Variants in PHIP observed in about 807,000 individuals in gnomAD.
PHIP encodes PHIP subunit of CUL4-Ring ligase complex.
A neutral mutation model predicts 236.8 loss-of-function variants in PHIP; 54 were observed. That is an observed-to-expected ratio of 0.23 (90% CI 0.18 to 0.29). PHIP has a LOEUF of 0.29. Among genes scored for constraint, PHIP ranks in the 10% least tolerant of loss-of-function variants. The pLI is 1.00. For synonymous variants in PHIP, 756 were observed against 718.9 expected (o/e 1.05, Z -0.83); for missense variants, 1,370 against 2,190.8 (o/e 0.63, Z 7.48).
intron 24 of PHIP, among the ~76,000 whole-genome samples, chr6:78,977,741 C>T (rs1030774308): frequency 6.6e-6 from 1 of 152,138 alleles, no homozygotes; most frequent in Non-Finnish European, 1.5e-5. Context: ...TATCACTGTA[C>T]TATATCACAA....
chr6:78,958,726 A>G, intron 31 of PHIP, 126 bp from the exon 32 acceptor site: 1 of 658,400 alleles, frequency 1.5e-6, no homozygotes. Context: ...CATTGGTCTT[A>G]TAAAGTCATT....
chr6:79,073,288 C>T (rs1773986123), intron 4 of PHIP, among the ~76,000 whole-genome samples: 2 of 152,070 alleles, frequency 1.3e-5, no homozygotes, highest in South Asian at 4.1e-4. Context: ...CATATTCACA[C>T]CTAACATTTT....
chr6:78,934,860 T>C lies in PHIP; in HGVS notation c.*5833A>G, dbSNP rs1183517507. 6.6e-6 allele frequency among the ~76,000 whole-genome samples: 1 copy of C among 152,220 alleles called. No homozygotes were observed. Among genetic ancestry groups the C allele is most frequent in the African/African-American group, 2.4e-5 (1 of 41,458 alleles). The stretch of plus-strand genomic sequence containing the variant: ...CCAACTCCAGGCCAGTTCATTACAC[T>C]GTGCTGCCAGTATGTCTAACCAATT... On this transcript the variant is annotated 3_prime_UTR_variant, in exon 40 of 40. Coordinates refer to ENST00000275034, the MANE Select transcript of PHIP (RefSeq NM_017934.7).
At chr6:79,073,540 C>T (rs550006099) in intron 4 of PHIP, among the ~76,000 whole-genome samples, 1 of 152,084 alleles carries the variant, frequency 6.6e-6, no homozygotes, top group South Asian at 2.1e-4. Context: ...AATGGGAATC[C>T]CTACTTCTAA....
chr6:78,948,767 T>C (rs537780304), intron 35 of PHIP, among the ~76,000 whole-genome samples: 1 of 152,298 alleles, frequency 6.6e-6, no homozygotes, highest in African/African-American at 2.4e-5. Context: ...GTGCTGGGAT[T>C]ATAGGCATTA....
intron 17 of PHIP, among the ~76,000 whole-genome samples, chr6:78,999,934 T>C (rs560455450): frequency 3.9e-5 from 6 of 152,172 alleles, no homozygotes; most frequent in Admixed American, 3.3e-4. Context: ...GAAAACCATG[T>C]TGCAATACTG....
rs571084682 is a variant in PHIP at position 79,003,688 on chromosome 6, T to TA, written c.1653+41dup. The stretch of plus-strand genomic sequence containing the variant: ...AAACATACAACCCCTAAACATGCAT[T>TA]AAAAAAAAATAAGGACATGATATAT... On this transcript the variant is annotated intron_variant, in intron 16 of 39. Coordinates refer to ENST00000275034, the MANE Select transcript of PHIP (RefSeq NM_017934.7). 11,628 of 1,270,090 alleles carry TA rather than the reference T, an allele frequency of 9.2e-3. 6 individuals carry two copies. Among genetic ancestry groups the TA allele is most frequent in the East Asian group, 0.015 (511 of 34,458 alleles). The allele number at this position is 1,270,090 out of a possible 1,614,324, so 78.7% of individuals were successfully genotyped here. A position where few individuals can be genotyped will look rare whatever the true frequency, so the allele number is the denominator to read the frequency against.
chr6:78,981,741 G>A (rs1161922074), intron 23 of PHIP, among the ~76,000 whole-genome samples: 1 of 151,910 alleles, frequency 6.6e-6, no homozygotes, highest in Admixed American at 6.6e-5. Flanking sequence ...CCAGACACAT[G>A]GCTAAATCAG....
rs544479201 is a variant in PHIP, at chr6:79,017,647, T to A, written c.995-64A>T. 46 of 1,177,056 alleles carry A rather than the reference T, an allele frequency of 3.9e-5. No individual in the cohort carries two copies. In the African/African-American group the frequency reaches 6.1e-4, roughly 16 times the overall value. 72.9% of individuals were successfully genotyped at this position (1,177,056 alleles called of 1,614,324 possible). A position where few individuals can be genotyped will look rare whatever the true frequency, so the allele number is the denominator to read the frequency against. ...AACTTCAAAATCTCTGAAAATTAGA[T>A]AATAAAATGTAAGCAAAATTACAGT... is the stretch of plus-strand genomic sequence containing the variant. On this transcript the variant is annotated intron_variant, in intron 10 of 39. Transcript: ENST00000275034.
At chr6:79,061,183 G>T (rs983678097) in intron 4 of PHIP, among the ~76,000 whole-genome samples, 1 of 152,066 alleles carries the variant, frequency 6.6e-6, no homozygotes, top group Non-Finnish European at 1.5e-5. Flanking sequence ...TTGAAACCAT[G>T]ACATGAAATG....
At position 79,078,188 on chromosome 6, in the gene PHIP, C is replaced by G; in HGVS notation, c.-120G>C. On this transcript the variant is annotated 5_prime_UTR_variant, in exon 1 of 40. Transcript: ENST00000275034. ...GTTCACGAGCCGAGCTTCGGCTCCA[C>G]CATTCAAGCAACGGCGGCGGAGGCG... is the stretch of plus-strand genomic sequence containing the variant. 1 of 963,460 alleles carries G rather than the reference C, an allele frequency of 1.0e-6. No homozygotes were observed. The allele number at this position is 963,460 out of a possible 1,614,324, so 59.7% of individuals were successfully genotyped here.
intron 20 of PHIP, 82 bp downstream of exon 20, chr6:78,990,786 A>C (rs962808414): frequency 1.4e-6 from 1 of 701,580 alleles, no homozygotes; most frequent in Non-Finnish European, 2.4e-6. Flanking sequence ...TTATAATACC[A>C]TGTTAAATTA....
Position 79,060,520 on chromosome 6 carries a change from G to T in PHIP, c.397C>A (p.Pro133Thr). ...CCATAGTTAACTGGTGACTCAGGTG[G>T]TCTTCCACAGTGCAACGCAGCCAGA... ...SALAALHCGR[P>T]PESPVNYGSP... The change falls in exon 6 of 40, where the codon CCA (proline) becomes ACA (threonine). Residue 133 changes from proline to threonine, a missense_variant. Pro to Thr is a conservative substitution (Grantham distance 38). Transcript: ENST00000275034. 1 of 1,613,734 alleles carries T rather than the reference G, an allele frequency of 6.2e-7. No homozygotes were observed. Among genetic ancestry groups the T allele is most frequent in the Non-Finnish European group, 8.5e-7 (1 of 1,179,796 alleles).
At chr6:78,985,556 T>C in intron 21 of PHIP, 128 bp from the exon 22 acceptor site, 1 of 692,798 alleles carries the variant, frequency 1.4e-6, no homozygotes, top group South Asian at 1.7e-5. Flanking sequence ...TTTAAATTAG[T>C]TGCAAAGGGT....
chr6:79,051,534 A>C (rs1257554771), intron 6 of PHIP, among the ~76,000 whole-genome samples: 1 of 152,170 alleles, frequency 6.6e-6, no homozygotes, highest in Non-Finnish European at 1.5e-5. Flanking sequence ...CTAGATATTC[A>C]ATTTTGGTGT....
intron 7 of PHIP, among the ~76,000 whole-genome samples, chr6:79,036,288 C>T (rs552902522): frequency 6.6e-6 from 1 of 152,250 alleles, no homozygotes; most frequent in African/African-American, 2.4e-5. Context: ...TACATCCCAC[C>T]TCCTTAAATA....
At chr6:79,043,098 G>A in intron 6 of PHIP, 95 bp from the exon 7 acceptor site, 3 of 993,852 alleles carry the variant, frequency 3.0e-6, no homozygotes, top group Non-Finnish European at 3.0e-6. Flanking sequence ...TTTGTCATGT[G>A]CAGGTAAAAA....
At position 78,937,049 on chromosome 6, in the gene PHIP, T is replaced by C. The variant is rs1773297546; in HGVS notation, c.*3644A>G. 1.3e-5 allele frequency: 2 copies of C among 151,800 alleles called. No individual in the cohort carries two copies. Among genetic ancestry groups the C allele is most frequent in the Admixed American group, 6.6e-5 (1 of 15,228 alleles). The allele number at this position is 151,800 out of a possible 1,614,324, so 9.4% of individuals were successfully genotyped here. ...TAGGTTAATAGGAGTAATCAGATGA[T>C]AAAACTACTTCCCCTATTATGACTT... is the stretch of plus-strand genomic sequence containing the variant. On this transcript the variant is annotated 3_prime_UTR_variant, in exon 40 of 40. Transcript: ENST00000275034.
At chr6:79,075,817 G>C (rs1304957552) in intron 4 of PHIP, among the ~76,000 whole-genome samples, 6 of 152,210 alleles carry the variant, frequency 3.9e-5, no homozygotes, top group South Asian at 2.1e-4. Context: ...TGTAAAAGCA[G>C]ATGCAAAGAC....
Sources: allele counts gnomAD v4.1 joint callset (sites outside exome capture counted in the v4.1 genomes callset), GRCh38; gene constraint gnomAD v4.1.1; transcripts MANE v1.5; gene names NCBI Gene and HGNC (gene_info 2026-07-23, HGNC 2026-07-21).